The following CACNA1D variants were observed in gnomAD, a reference collection of about 807,000 sequenced individuals.
CACNA1D encodes calcium voltage-gated channel subunit alpha1 D, also known as voltage-dependent L-type calcium channel subunit alpha-1D.
CACNA1D carries 55 observed loss-of-function variants against 257.1 expected under a neutral mutation model. The ratio of observed to expected loss-of-function variants is 0.21; its 90% CI spans 0.17 to 0.27. CACNA1D has a LOEUF of 0.27. Among genes scored for constraint, CACNA1D ranks in the 10% least tolerant of loss-of-function variants. CACNA1D has a pLI of 1.00. For synonymous variants in CACNA1D, 980 were observed against 1,014.9 expected (o/e 0.97, Z 0.65); for missense variants, 1,876 against 2,784.0 (o/e 0.67, Z 7.34).
At chr3:53,550,792 T>C (rs1229250922) in intron 3 of CACNA1D, among the ~76,000 whole-genome samples, 1 of 152,110 alleles carries the variant, frequency 6.6e-6, no homozygotes, top group African/African-American at 2.4e-5. Context: ...ACAAAACAGA[T>C]TTTAGAGTTA....
At chr3:53,649,101 G>A (rs2094058390) in intron 3 of CACNA1D, among the ~76,000 whole-genome samples, 1 of 152,182 alleles carries the variant, frequency 6.6e-6, no homozygotes, top group Admixed American at 6.5e-5. Context: ...CACGGCCGGT[G>A]ACAGAGGGGA....
chr3:53,761,943 G>A (rs2095305381), intron 29 of CACNA1D, 55 bp from the exon 30 acceptor site: 18 of 1,245,834 alleles, frequency 1.4e-5, no homozygotes, highest in Non-Finnish European at 2.0e-5. Flanking sequence ...TACGGTCCGT[G>A]TGGTGGGTCA....
chr3:53,533,694 G>T (rs1371638483), intron 3 of CACNA1D, among the ~76,000 whole-genome samples: 1 of 152,184 alleles, frequency 6.6e-6, no homozygotes, highest in Non-Finnish European at 1.5e-5. Flanking sequence ...GGCTGCTATG[G>T]CCGTGGGCGC....
intron 3 of CACNA1D, among the ~76,000 whole-genome samples, chr3:53,512,314 A>T (rs1362005635): frequency 4.6e-5 from 7 of 152,220 alleles, no homozygotes; most frequent in Non-Finnish European, 1.0e-4. Flanking sequence ...GTGTTTAATA[A>T]ATCTTTTCCT....
intron 9 of CACNA1D, among the ~76,000 whole-genome samples, chr3:53,712,570 A>T (rs1370043533): frequency 6.6e-6 from 1 of 151,890 alleles, no homozygotes; most frequent in Non-Finnish European, 1.5e-5. Flanking sequence ...CTTCTTCTGG[A>T]TTTGGCAGGC....
At position 53,666,545 on chromosome 3, in the gene CACNA1D, C is replaced by T. The variant is rs2094265625; in HGVS notation, c.1116+10C>T. On this transcript the variant is annotated intron_variant, in intron 7 of 47. Coordinates refer to ENST00000350061, the MANE Select transcript of CACNA1D (RefSeq NM_001128840.3). ...AGATGTGCTCTACTGGGTAAGTACC[C>T]TGGGGAGAGAGTTTATGGAGTGTTC... is the stretch of plus-strand genomic sequence containing the variant. 1.2e-6 allele frequency: 2 copies of T among 1,605,326 alleles called. No homozygotes were observed. The highest frequency in any genetic ancestry group is 1.1e-5 in the South Asian group (1 of 90,890).
At chr3:53,582,115 C>G (rs987800479) in intron 3 of CACNA1D, among the ~76,000 whole-genome samples, 1 of 151,970 alleles carries the variant, frequency 6.6e-6, no homozygotes, top group African/African-American at 2.4e-5. Context: ...ATATACCAAC[C>G]CTGTATTGCC....
intron 3 of CACNA1D, among the ~76,000 whole-genome samples, chr3:53,578,492 G>T (rs532870594): frequency 6.6e-6 from 1 of 152,168 alleles, no homozygotes; most frequent in Non-Finnish European, 1.5e-5. Context: ...GTGCCCAGCC[G>T]AAAGTCTTTA....
At chr3:53,693,771 C>T (rs1210663633) in intron 8 of CACNA1D, among the ~76,000 whole-genome samples, 2 of 151,976 alleles carry the variant, frequency 1.3e-5, no homozygotes, top group Non-Finnish European at 2.9e-5. Context: ...TAGTGATTTT[C>T]GTGGCAGTTT....
intron 3 of CACNA1D, among the ~76,000 whole-genome samples, chr3:53,543,598 T>C (rs1317139310): frequency 6.6e-6 from 1 of 152,274 alleles, no homozygotes; most frequent in Non-Finnish European, 1.5e-5. Context: ...CTAACATTTA[T>C]TGATTGCTTA....
At chr3:53,697,692 A>G (rs1309929580) in intron 8 of CACNA1D, among the ~76,000 whole-genome samples, 2 of 152,150 alleles carry the variant, frequency 1.3e-5, no homozygotes, top group East Asian at 1.9e-4. Context: ...TTCATTTGTT[A>G]TCTATCCATA....
In CACNA1D at chr3:53,811,588, C is replaced by T. The variant is rs757786504; in HGVS notation, c.*182C>T. 3.3e-4 allele frequency: 190 copies of T among 567,902 alleles called. 1 individual carries two copies. Among genetic ancestry groups the T allele is most frequent in the Non-Finnish European group, 4.8e-4 (160 of 330,294 alleles). The allele number at this position is 567,902 out of a possible 1,614,324, so 35.2% of individuals were successfully genotyped here. A position where few individuals can be genotyped will look rare whatever the true frequency, so the allele number is the denominator to read the frequency against. On this transcript the variant is annotated 3_prime_UTR_variant, in exon 48 of 48. Transcript: ENST00000350061. This position sits in a 1 kb window ranked among gnomAD's most constrained non-coding sequence, Gnocchi z 4.2. The stretch of plus-strand genomic sequence containing the variant: ...AAACCTGGTAGGAACAGGTCCCAAG[C>T]GGTTGAGCCTGGCAGAGTACCATGC...
intron 7 of CACNA1D, among the ~76,000 whole-genome samples, chr3:53,672,223 G>A (rs1221202514): frequency 1.3e-5 from 2 of 152,196 alleles, no homozygotes; most frequent in Admixed American, 6.5e-5. Context: ...CACAGCTGGA[G>A]CCAGTCTCCC....
chr3:53,632,482 G>A (rs901769126), intron 3 of CACNA1D, among the ~76,000 whole-genome samples: 2 of 152,152 alleles, frequency 1.3e-5, no homozygotes, highest in African/African-American at 4.8e-5. Context: ...ATCATCATTT[G>A]TTCATTGGAG....
chr3:53,735,095 A>G lies in CACNA1D; in HGVS notation c.2622-279A>G, dbSNP rs146952295. Among the ~76,000 whole-genome samples the G allele has an allele frequency of 1.1e-4, 17 of 152,294 alleles. No homozygotes were observed. In the East Asian group the frequency reaches 3.3e-3, roughly 29 times the overall value. ...ATTAAGCCTCAGTTTCCCCATCTTG[A>G]GGAAGACAACAAGCCCCACTTCCAA... is the stretch of plus-strand genomic sequence containing the variant. On this transcript the variant is annotated intron_variant, in intron 19 of 47. Transcript: ENST00000350061.
intron 20 of CACNA1D, 44 bp downstream of exon 20, chr3:53,735,547 C>T: frequency 6.2e-7 from 1 of 1,610,002 alleles, no homozygotes; most frequent in Non-Finnish European, 8.5e-7. Context: ...GCCCTGGCCT[C>T]TCTCGGGCAG....
At chr3:53,511,358 G>A (rs2091100405) in intron 3 of CACNA1D, among the ~76,000 whole-genome samples, 3 of 152,094 alleles carry the variant, frequency 2.0e-5, no homozygotes, top group Admixed American at 6.6e-5. Context: ...CAGCGGCGGC[G>A]AAAAAGAGTA....
intron 7 of CACNA1D, among the ~76,000 whole-genome samples, chr3:53,672,213 C>G (rs909418861): frequency 6.6e-6 from 1 of 152,154 alleles, no homozygotes; most frequent in African/African-American, 2.4e-5. Context: ...CCAGTCAGCT[C>G]ACAGCTGGAG....
chr3:53,645,726 T>C (rs1317572808), intron 3 of CACNA1D, among the ~76,000 whole-genome samples: 1 of 152,234 alleles, frequency 6.6e-6, no homozygotes. Context: ...TAATGGGCTT[T>C]GACAGCATGT....
Sources: gnomAD v4.1 joint callset for allele counts (sites outside exome capture counted in the v4.1 genomes callset) on GRCh38, gnomAD v4.1.1 for gene constraint, Gnocchi (gnomAD v3.1) non-coding constraint, MANE v1.5 for transcripts, NCBI Gene and HGNC (gene_info 2026-07-23, HGNC 2026-07-21) for gene names.